The following FRYL variants were observed in gnomAD, a reference collection of about 807,000 sequenced individuals.
The protein encoded by FRYL is protein furry homolog-like.
In FRYL, 150 loss-of-function variants were observed where a neutral mutation model predicts 351.2. The ratio of observed to expected loss-of-function variants is 0.43; its 90% confidence interval spans 0.37 to 0.49. FRYL has a LOEUF of 0.49. Among genes scored for constraint, FRYL ranks in the 20% least tolerant of loss-of-function variants. The pLI is 0.00. For synonymous variants in FRYL, 1,153 were observed against 1,257.1 expected (o/e 0.92, Z 1.75); for missense variants, 3,036 against 3,619.3 (o/e 0.84, Z 4.13).
At chr4:48,687,897 T>A (rs1397215898) in intron 2 of FRYL, among the ~76,000 whole-genome samples, 1 of 152,142 alleles carries the variant, frequency 6.6e-6, no homozygotes, top group Non-Finnish European at 1.5e-5. Context: ...AGTATGTAAG[T>A]AATACGAAGA....
At position 48,549,196 on chromosome 4, in the gene FRYL, A is replaced by G. The variant is rs1418785976; in HGVS notation, c.4784+277T>C. Among the ~76,000 whole-genome samples, 4 of 152,228 alleles carry G rather than the reference A, an allele frequency of 2.6e-5. No individual in the cohort carries two copies. Among genetic ancestry groups the G allele is most frequent in the African/African-American group, 9.6e-5 (4 of 41,458 alleles). The stretch of plus-strand genomic sequence containing the variant: ...TAATAGTGCCTACCATAGGAAAGTC[A>G]TATTTTTCAGATGTAGTAACTGGGT... On this transcript the variant is annotated intron_variant, in intron 39 of 63. Coordinates refer to ENST00000358350, the MANE Select transcript of FRYL (RefSeq NM_015030.2). This position sits in a 1 kb window ranked among gnomAD's most constrained non-coding sequence, Gnocchi z 4.2.
intron 4 of FRYL, among the ~76,000 whole-genome samples, 154 bp from the exon 5 acceptor site, chr4:48,623,333 C>G (rs1359879865): frequency 6.6e-6 from 1 of 152,166 alleles, no homozygotes; most frequent in Non-Finnish European, 1.5e-5. Flanking sequence ...TAAGCCTCCT[C>G]TTTGCCCAAG....
chr4:48,641,415 T>C (rs1755292771), intron 3 of FRYL, among the ~76,000 whole-genome samples: 1 of 152,138 alleles, frequency 6.6e-6, no homozygotes, highest in African/African-American at 2.4e-5. Context: ...AATCTATTCT[T>C]ATTTCAAGTA....
At chr4:48,742,973 ATTTTTTTTT>A (rs71191256) in intron 1 of FRYL, among the ~76,000 whole-genome samples, 6 of 81,744 alleles carry the variant, frequency 7.3e-5, no homozygotes, top group Admixed American at 1.9e-4. Context: ...CGCCTGGATA[ATTTTTTTTT>A]TTTTTTTTTT....
At chr4:48,680,243 C>T (rs1764407759) in intron 3 of FRYL, among the ~76,000 whole-genome samples, 1 of 151,896 alleles carries the variant, frequency 6.6e-6, no homozygotes, top group Admixed American at 6.6e-5. Context: ...CAGCTATTTA[C>T]TCCCTAAAAT....
chr4:48,650,120 A>T (rs1757306788), intron 3 of FRYL, among the ~76,000 whole-genome samples: 1 of 152,134 alleles, frequency 6.6e-6, no homozygotes, highest in South Asian at 2.1e-4. Flanking sequence ...CACTAAATAA[A>T]ATGTTATGAA....
At chr4:48,510,192 T>A (rs756784787) in intron 58 of FRYL, 35 bp from the exon 59 acceptor site, 1 of 1,479,364 alleles carries the variant, frequency 6.8e-7, no homozygotes, top group East Asian at 2.3e-5. Flanking sequence ...AGGTTACCAT[T>A]TCTGATTGAA....
At chr4:48,773,276 C>G (rs1200749930) in intron 1 of FRYL, among the ~76,000 whole-genome samples, 2 of 152,140 alleles carry the variant, frequency 1.3e-5, no homozygotes, top group African/African-American at 4.8e-5. Flanking sequence ...TCATAGTGAT[C>G]AGCCAATCAA....
Position 48,499,508 on chromosome 4 carries a change from T to C in FRYL, c.8956A>G (p.Ile2986Val). 1 of 1,614,078 alleles carries C rather than the reference T, an allele frequency of 6.2e-7. No homozygotes were observed. The highest frequency in any genetic ancestry group is 8.5e-7 in the Non-Finnish European group (1 of 1,179,938). The part of the protein sequence containing the change: ...NYKLMELNLE[I>V]RESLRMVQSY... Reference sequence around the variant, plus strand: ...TGCACCATGCGTAGAGACTCTCTTATTTCCAGATTAAGTTCCATCAGTTTG... The same window carrying C: ...TGCACCATGCGTAGAGACTCTCTTACTTCCAGATTAAGTTCCATCAGTTTG... Residue 2986 changes from isoleucine to valine, a missense_variant, in exon 64 of 64, where the codon ATA becomes GTA. This residue lies in a region of FRYL where 1,987 missense variants were observed against 2,311.7 expected (regional missense o/e 0.86). Transcript: ENST00000358350.
At chr4:48,694,481 G>A (rs1765963117) in intron 2 of FRYL, among the ~76,000 whole-genome samples, 1 of 151,912 alleles carries the variant, frequency 6.6e-6, no homozygotes, top group Admixed American at 6.6e-5. Context: ...ATTTTTAGGA[G>A]AGACAGGGTT....
Position 48,570,841 on chromosome 4 carries a change from A to C in FRYL, c.2982T>G (p.Gly994=). 6.2e-7 allele frequency: 1 copy of C among 1,612,490 alleles called. No individual in the cohort carries two copies. Among genetic ancestry groups the C allele is most frequent in the South Asian group, 1.1e-5 (1 of 91,054 alleles). Reference sequence around the variant, plus strand: ...CCAATACTGACCTGTGACTAATGACACCAGCATCTGCCAGCAGTTCAAATA... The same window carrying C: ...CCAATACTGACCTGTGACTAATGACCCCAGCATCTGCCAGCAGTTCAAATA... ...VRIFELLADA[G]VISHSASGGL... is the part of the protein sequence containing the mutation. The change falls in exon 27 of 64, where the codon GGT becomes GGG. Residue 994 remains glycine (G), a synonymous_variant. Coordinates refer to ENST00000358350, the MANE Select transcript of FRYL (RefSeq NM_015030.2).
intron 2 of FRYL, among the ~76,000 whole-genome samples, chr4:48,698,096 G>A (rs1309864396): frequency 6.6e-6 from 1 of 152,156 alleles, no homozygotes; most frequent in Non-Finnish European, 1.5e-5. Flanking sequence ...CTGGAAAGGA[G>A]ACATGGGCAG....
chr4:48,742,670 A>G (rs1424373795), intron 1 of FRYL, among the ~76,000 whole-genome samples: 3 of 152,176 alleles, frequency 2.0e-5, no homozygotes, highest in Non-Finnish European at 2.9e-5. Flanking sequence ...TGAACAAAAT[A>G]AAGTGCTCTC....
chr4:48,612,565 C>T (rs1372695141), intron 7 of FRYL, among the ~76,000 whole-genome samples: 1 of 151,126 alleles, frequency 6.6e-6, no homozygotes. Flanking sequence ...TATATTGTTA[C>T]AACTGTTCTA....
rs777164893 is a variant in FRYL at position 48,576,231 on chromosome 4, A to G, written c.2529-9T>C. ...TAGCATTGATGGGGCTACTAAGGAA[A>G]AAAAAAGAAAAATAGGCAGATATGA... On this transcript the variant is annotated splice_polypyrimidine_tract_variant and intron_variant, in intron 23 of 63. Transcript: ENST00000358350. The G allele has an allele frequency of 6.4e-7, 1 of 1,563,282 alleles. No homozygotes were observed. The highest frequency in any genetic ancestry group is 2.3e-5 in the East Asian group (1 of 43,016).
chr4:48,680,964 A>C, intron 3 of FRYL: 1 of 1,267,318 alleles, frequency 7.9e-7, no homozygotes, highest in Non-Finnish European at 1.0e-6. Context: ...CATAATTACT[A>C]TGACAGAAAT....
chr4:48,574,684 AC>A (rs1739182526), intron 25 of FRYL, among the ~76,000 whole-genome samples: 2 of 152,346 alleles, frequency 1.3e-5, no homozygotes, highest in South Asian at 2.1e-4. Flanking sequence ...AATATAAAAA[AC>A]ATCACGAATG....
At chr4:48,659,264 T>C (rs1759930621) in intron 3 of FRYL, among the ~76,000 whole-genome samples, 1 of 151,226 alleles carries the variant, frequency 6.6e-6, no homozygotes, top group Non-Finnish European at 1.5e-5. Context: ...GACACAAGAA[T>C]TACTGGAACC....
At chr4:48,684,533 TACC>T (rs1764963781) in intron 3 of FRYL, 137 bp downstream of exon 3, 1 of 152,218 alleles carries the variant, frequency 6.6e-6, no homozygotes, top group South Asian at 2.1e-4. Flanking sequence ...TTTAGCTGAT[TACC>T]ACAACTTTTA....
Sources: gnomAD v4.1 joint callset for allele counts (sites outside exome capture counted in the v4.1 genomes callset) on GRCh38, gnomAD v4.1.1 for gene constraint, gnomAD v4.1.1 regional missense constraint, Gnocchi (gnomAD v3.1) non-coding constraint, MANE v1.5 for transcripts, NCBI Gene and HGNC (gene_info 2026-07-23, HGNC 2026-07-21) for gene names.